The following NXPE4 variants were observed in gnomAD, a reference collection of about 807,000 sequenced individuals.
NXPE4 encodes neurexophilin and PC-esterase domain family member 4, also known as NXPE family member 4.
A neutral mutation model predicts 33.3 loss-of-function variants in NXPE4; 42 were observed. The observed-to-expected ratio is 1.26, with a 90% CI of 0.98 to 1.63. NXPE4 has a LOEUF of 1.63. Ranked by LOEUF, NXPE4 falls within the 40% of genes most tolerant of loss-of-function variation. NXPE4 has a pLI of 0.00. For synonymous variants in NXPE4, 253 were observed against 234.9 expected (o/e 1.08, Z -0.71); for missense variants, 709 against 647.6 (o/e 1.09, Z -1.03).
chr11:114,619,009 C>T, the NXPE4 span, among the ~76,000 whole-genome samples: 1 of 152,028 alleles, frequency 6.6e-6, no homozygotes, highest in African/African-American at 2.4e-5. Context: ...CTAGGGTAAC[C>T]ACTGTTACCC....
chr11:114,621,264 C>A, the NXPE4 span, among the ~76,000 whole-genome samples: 1 of 152,076 alleles, frequency 6.6e-6, no homozygotes, highest in Admixed American at 6.5e-5. Context: ...CGTGTTGCCT[C>A]ATGGGTAACC....
At chr11:114,661,838 G>GA in the NXPE4 span, among the ~76,000 whole-genome samples, 1 of 152,002 alleles carries the variant, frequency 6.6e-6, no homozygotes, top group Non-Finnish European at 1.5e-5. Flanking sequence ...GAGGTTGACA[G>GA]AAAAAAAATT....
In NXPE4 at chr11:114,582,622, T is replaced by C. The variant is rs756550760; in HGVS notation, c.496A>G (p.Ser166Gly). Residue 166 changes from serine (S) to glycine (G), a missense_variant, in exon 3 of 6, where the codon AGC becomes GGC. By Grantham distance (56) the Ser-to-Gly change is moderately conservative. Coordinates refer to ENST00000375478, the MANE Select transcript of NXPE4 (RefSeq NM_001077639.2). ...TGGCCCTCCCAGAACAGAGTGAAGC[T>C]GACCAGGTAGGTGCCGTTGTTGAAG... ...TDFNNGTYLV[S>G]FTLFWEGQVS... 6.2e-7 allele frequency: 1 copy of C among 1,614,168 alleles called. No homozygotes were observed. The highest frequency in any genetic ancestry group is 8.5e-7 in the Non-Finnish European group (1 of 1,180,014).
the NXPE4 span, among the ~76,000 whole-genome samples, chr11:114,616,127 G>A: frequency 7.3e-5 from 11 of 151,188 alleles, no homozygotes; most frequent in Admixed American, 1.3e-4. Context: ...ACTGTTATCC[G>A]GTGGATAATA....
chr11:114,580,282 T>G lies in NXPE4; in HGVS notation c.949A>C (p.Ser317Arg). The change falls in exon 5 of 6, where the codon AGT (serine) becomes CGT (arginine). Residue 317 changes from serine to arginine, a missense_variant. By Grantham distance (110) the Ser-to-Arg change is moderately radical. Coordinates refer to ENST00000375478, the MANE Select transcript of NXPE4 (RefSeq NM_001077639.2). ...CATGTGTTTCTCCAGACATGCCCAC[T>G]GGGGATTGTGGATGTCATTCCAAAC... ...CKFGMTSTIP[S>R]GHVWRNTWNP... The G allele has an allele frequency of 6.2e-7, 1 of 1,614,092 alleles. No homozygotes were observed. The highest frequency in any genetic ancestry group is 8.5e-7 in the Non-Finnish European group (1 of 1,179,962).
At chr11:114,602,739 TAAA>T in the NXPE4 span, among the ~76,000 whole-genome samples, 1 of 144,308 alleles carries the variant, frequency 6.9e-6, no homozygotes, top group Non-Finnish European at 1.5e-5. Context: ...CATATATAAT[TAAA>T]GAATCATATA....
the NXPE4 span, among the ~76,000 whole-genome samples, chr11:114,631,474 G>A: frequency 4.3e-5 from 6 of 139,932 alleles, no homozygotes; most frequent in African/African-American, 1.1e-4. Context: ...ACTGAAAAAT[G>A]AGAACACATG....
intron 5 of NXPE4, among the ~76,000 whole-genome samples, chr11:114,578,188 G>A (rs1441922752): frequency 3.9e-5 from 6 of 152,296 alleles, no homozygotes; most frequent in Non-Finnish European, 8.8e-5. Context: ...ACTTAACCCA[G>A]TGAGGCTGGA....
At chr11:114,653,466 C>A in the NXPE4 span, among the ~76,000 whole-genome samples, 2 of 151,606 alleles carry the variant, frequency 1.3e-5, no homozygotes, top group Non-Finnish European at 2.9e-5. Context: ...AAATATTTAA[C>A]CCTTGGGTGC....
chr11:114,627,667 C>T, the NXPE4 span, among the ~76,000 whole-genome samples: 1 of 151,610 alleles, frequency 6.6e-6, no homozygotes, highest in East Asian at 1.9e-4. Context: ...TCACACATAA[C>T]AATATTAACT....
chr11:114,604,851 C>T, the NXPE4 span, among the ~76,000 whole-genome samples: 1 of 152,004 alleles, frequency 6.6e-6, no homozygotes, highest in Non-Finnish European at 1.5e-5. Context: ...TGGGTATCCA[C>T]TGTTACCTGC....
chr11:114,613,769 G>A, the NXPE4 span, among the ~76,000 whole-genome samples: 1 of 151,924 alleles, frequency 6.6e-6, no homozygotes, highest in East Asian at 1.9e-4. Flanking sequence ...AATAAGTGTT[G>A]CCTGGTGGGT....
intron 2 of NXPE4, among the ~76,000 whole-genome samples, chr11:114,592,769 A>G (rs1337330353): frequency 6.6e-6 from 1 of 152,186 alleles, no homozygotes; most frequent in African/African-American, 2.4e-5. Context: ...ATATTACCTG[A>G]CTTCAAAATA....
the NXPE4 span, among the ~76,000 whole-genome samples, chr11:114,623,706 C>T: frequency 6.6e-6 from 1 of 152,100 alleles, no homozygotes; most frequent in Non-Finnish European, 1.5e-5. Context: ...AACAGTGTTA[C>T]CCGATGGATA....
chr11:114,643,846 C>G, the NXPE4 span, among the ~76,000 whole-genome samples: 1 of 151,784 alleles, frequency 6.6e-6, no homozygotes, highest in Non-Finnish European at 1.5e-5. Context: ...CTATAAATTA[C>G]TTTAGGCAGA....
At chr11:114,583,269 G>C in intron 2 of NXPE4, 1 of 652,570 alleles carries the variant, frequency 1.5e-6, no homozygotes. Context: ...CAAAGGCAGG[G>C]CACCAGGAGG....
intron 5 of NXPE4, among the ~76,000 whole-genome samples, chr11:114,576,958 G>C (rs1449008965): frequency 6.9e-6 from 1 of 145,402 alleles, no homozygotes; most frequent in Non-Finnish European, 1.5e-5. Context: ...TAATCAATGA[G>C]TGGATAAAGA....
intron 5 of NXPE4, among the ~76,000 whole-genome samples, chr11:114,577,881 A>G (rs1277680624): frequency 6.6e-6 from 1 of 152,142 alleles, no homozygotes; most frequent in African/African-American, 2.4e-5. Context: ...GATAATATTA[A>G]GTGCCATATC....
chr11:114,577,299 A>G lies in NXPE4; in HGVS notation c.1099+2833T>C, dbSNP rs190821154. Among the ~76,000 whole-genome samples, 878 of 151,764 alleles carry G rather than the reference A, an allele frequency of 5.8e-3. 9 individuals are homozygous for G. The highest frequency in any genetic ancestry group is 0.02 in the African/African-American group (840 of 41,400). On this transcript the variant is annotated intron_variant, in intron 5 of 5. Transcript: ENST00000375478. Reference sequence around the variant, plus strand: ...TTATTCTAAGTGAAGTAACTCAGGAATGGAAAACCAAGCATCGTATGTTCT... The same window carrying G: ...TTATTCTAAGTGAAGTAACTCAGGAGTGGAAAACCAAGCATCGTATGTTCT...
Sources: gnomAD v4.1 joint callset for allele counts (sites outside exome capture counted in the v4.1 genomes callset) on GRCh38, gnomAD v4.1.1 for gene constraint, MANE v1.5 for transcripts, NCBI Gene and HGNC (gene_info 2026-07-23, HGNC 2026-07-21) for gene names.